The following DCAF10 variants were observed in gnomAD, a reference collection of about 807,000 sequenced individuals.
The protein encoded by DCAF10 is DDB1 and CUL4 associated factor 10.
Under a neutral mutation model 51.9 loss-of-function variants are expected in DCAF10, and 19 were observed. The observed-to-expected ratio is 0.37, with a 90% CI of 0.26 to 0.54. The LOEUF is 0.54. DCAF10 is among the 20% of genes least tolerant of loss of function. The probability of loss-of-function intolerance (pLI) is 0.87; values close to 1 mark genes in which losing one functional copy is unlikely to be tolerated. For synonymous variants in DCAF10, 291 were observed against 297.1 expected (o/e 0.98, Z 0.21); for missense variants, 510 against 730.6 (o/e 0.70, Z 3.48).
At chr9:37,816,659 G>GGT (rs1554685707) in intron 1 of DCAF10, among the ~76,000 whole-genome samples, 10,284 of 144,904 alleles carry the variant, frequency 0.071, 436 homozygotes, top group African/African-American at 0.12. Context: ...CTGCACCTGG[G>GGT]GTGTGTGTGT....
At chr9:37,803,002 G>A (rs1355091254) in intron 1 of DCAF10, among the ~76,000 whole-genome samples, 1 of 152,178 alleles carries the variant, frequency 6.6e-6, no homozygotes, top group Non-Finnish European at 1.5e-5. Context: ...TTAGGTGGGA[G>A]TATAATGAGA....
chr9:37,814,313 T>C (rs1357620178), intron 1 of DCAF10, among the ~76,000 whole-genome samples: 1 of 140,196 alleles, frequency 7.1e-6, no homozygotes, highest in East Asian at 2.0e-4. Context: ...TTTTTTTTTT[T>C]TTTTTTTTTG....
chr9:37,842,342 T>A, intron 3 of DCAF10, 56 bp downstream of exon 3: 1 of 1,518,204 alleles, frequency 6.6e-7, no homozygotes, highest in Non-Finnish European at 8.9e-7. Flanking sequence ...TTTTTAAAGA[T>A]GGTGAACAAA....
intron 3 of DCAF10, among the ~76,000 whole-genome samples, chr9:37,852,946 AT>A (rs1564050359): frequency 4.9e-4 from 34 of 68,904 alleles, no homozygotes; most frequent in African/African-American, 1.7e-3. Flanking sequence ...ATATATATAT[AT>A]ATATATATAT....
chr9:37,801,491 C>T lies in DCAF10; in HGVS notation c.539+86C>T, dbSNP rs1322840015. On this transcript the variant is annotated intron_variant, in intron 1 of 6. Coordinates refer to ENST00000377724, the MANE Select transcript of DCAF10 (RefSeq NM_024345.5). This position sits in a 1 kb window ranked among gnomAD's most constrained non-coding sequence, Gnocchi z 5.5. ...GGCCGTCCTGGGCTCGCTCCCCGCG[C>T]CCGGGCCGAGGTTAGCGAGGCCGTT... The T allele has an allele frequency of 2.2e-6, 3 of 1,333,770 alleles. No homozygotes were observed. The highest frequency in any genetic ancestry group is 4.2e-5 in the Admixed American group (1 of 24,016). 82.6% of individuals were successfully genotyped at this position (1,333,770 alleles called of 1,614,324 possible). A position where few individuals can be genotyped will look rare whatever the true frequency, so the allele number is the denominator to read the frequency against.
intron 2 of DCAF10, chr9:37,836,076 G>C: frequency 8.6e-7 from 1 of 1,168,172 alleles, no homozygotes; most frequent in South Asian, 1.2e-5. Flanking sequence ...TGAATATTTT[G>C]CTGTGCTTGA....
intron 2 of DCAF10, among the ~76,000 whole-genome samples, chr9:37,835,415 C>T (rs2117981653): frequency 6.6e-6 from 1 of 152,202 alleles, no homozygotes; most frequent in Non-Finnish European, 1.5e-5. Context: ...CCTGTCTCTA[C>T]TGAAAATACA....
chr9:37,807,707 G>A (rs1273695054), intron 1 of DCAF10, among the ~76,000 whole-genome samples: 1 of 139,362 alleles, frequency 7.2e-6, no homozygotes, highest in East Asian at 2.0e-4. Context: ...TTGTTGTCCA[G>A]GCTGGACTGC....
intron 1 of DCAF10, among the ~76,000 whole-genome samples, chr9:37,806,015 T>C (rs1219704783): frequency 6.6e-6 from 1 of 152,010 alleles, no homozygotes; most frequent in Non-Finnish European, 1.5e-5. Context: ...GCTCGGAAGG[T>C]GGAGGCTGCA....
chr9:37,831,616 G>T (rs950116936), intron 2 of DCAF10, among the ~76,000 whole-genome samples: 3 of 152,040 alleles, frequency 2.0e-5, no homozygotes, highest in African/African-American at 7.2e-5. Flanking sequence ...TTTGTAGTTT[G>T]CTTATTATCT....
At chr9:37,803,522 A>G (rs935171579) in intron 1 of DCAF10, among the ~76,000 whole-genome samples, 1 of 151,836 alleles carries the variant, frequency 6.6e-6, no homozygotes, top group African/African-American at 2.4e-5. Context: ...TCTCATTACT[A>G]TATTCTGATT....
At chr9:37,856,249 C>T (rs151178725) in intron 4 of DCAF10, among the ~76,000 whole-genome samples, 1 of 152,352 alleles carries the variant, frequency 6.6e-6, no homozygotes, top group East Asian at 1.9e-4. Flanking sequence ...CATCATTGTA[C>T]TGCAGTGCCT....
intron 2 of DCAF10, among the ~76,000 whole-genome samples, chr9:37,823,622 T>G (rs564388292): frequency 2.6e-5 from 4 of 151,822 alleles, no homozygotes; most frequent in South Asian, 2.1e-4. Context: ...TAAAACAAAA[T>G]AAAAACTAAA....
chr9:37,818,544 G>T (rs1829613851), intron 1 of DCAF10, among the ~76,000 whole-genome samples: 1 of 152,026 alleles, frequency 6.6e-6, no homozygotes. Flanking sequence ...TTTGTAAAAG[G>T]TTTATAAAAA....
rs1403479445 is a variant in DCAF10, at chr9:37,846,321, CAT to C, written c.851+4037_851+4038del. 1.4e-4 allele frequency among the ~76,000 whole-genome samples: 21 copies of C among 152,190 alleles called. 2 individuals are homozygous for C. The East Asian group carries it at 3.9e-3, about 28-fold the overall frequency. On this transcript the variant is annotated intron_variant, in intron 3 of 6. Coordinates refer to ENST00000377724, the MANE Select transcript of DCAF10 (RefSeq NM_024345.5). ...ATTAAAAACAAAAGAGAGGAGATAT[CAT>C]AACCAACCTTACAGAAATTAAAAGG...
intron 1 of DCAF10, among the ~76,000 whole-genome samples, chr9:37,803,179 C>T (rs947944703): frequency 6.6e-6 from 1 of 151,970 alleles, no homozygotes; most frequent in African/African-American, 2.4e-5. Flanking sequence ...TGTGTAAAAC[C>T]TAGGCAATAA....
At chr9:37,806,621 C>A (rs1486496589) in intron 1 of DCAF10, among the ~76,000 whole-genome samples, 4 of 152,186 alleles carry the variant, frequency 2.6e-5, no homozygotes, top group Non-Finnish European at 2.9e-5. Context: ...TATATTAATT[C>A]TCTTGGCACA....
Position 37,861,365 on chromosome 9 carries a change from AAAG to A in DCAF10, c.1541_1543del (p.Glu514del). Reference sequence around the variant, plus strand: ...CAGTGAACTTGTTGACTGCTTGCCCAAAGAAGCCAGTCCCCTGCGGGTGATCCG... The same window carrying A: ...CAGTGAACTTGTTGACTGCTTGCCCAAAGCCAGTCCCCTGCGGGTGATCCG... On this transcript the variant is annotated inframe_deletion, in exon 7 of 7. Transcript: ENST00000377724. This position sits in a 1 kb window ranked among gnomAD's most constrained non-coding sequence, Gnocchi z 4.9. The A allele has an allele frequency of 6.2e-7, 1 of 1,614,194 alleles. No individual in the cohort carries two copies. Among genetic ancestry groups the A allele is most frequent in the Non-Finnish European group, 8.5e-7 (1 of 1,180,026 alleles).
At chr9:37,859,371 A>G (rs1029184170) in intron 5 of DCAF10, among the ~76,000 whole-genome samples, 5 of 152,222 alleles carry the variant, frequency 3.3e-5, no homozygotes, top group African/African-American at 1.2e-4. Context: ...CCTGAAGGAT[A>G]TAACATATTC....
Sources: gnomAD v4.1 joint callset for allele counts (sites outside exome capture counted in the v4.1 genomes callset) on GRCh38, gnomAD v4.1.1 for gene constraint, Gnocchi (gnomAD v3.1) non-coding constraint, MANE v1.5 for transcripts, NCBI Gene and HGNC (gene_info 2026-07-23, HGNC 2026-07-21) for gene names.